ANKRD18A: variants seen among roughly 807,000 people sequenced by gnomAD.
ANKRD18A encodes the protein ankyrin repeat domain 18A.
In ANKRD18A, 72 loss-of-function variants were observed where a neutral mutation model predicts 110.6. The ratio of observed to expected loss-of-function variants is 0.65; its 90% CI spans 0.54 to 0.79. The LOEUF (loss-of-function observed/expected upper bound fraction) is 0.79, where lower values mean the gene tolerates loss of function less well. Among genes scored for constraint, ANKRD18A ranks in the 30% least tolerant of loss-of-function variants. The pLI, the probability that ANKRD18A is intolerant of heterozygous loss-of-function variation, is 0.00. For synonymous variants in ANKRD18A, 305 were observed against 410.3 expected (o/e 0.74, Z 3.10); for missense variants, 934 against 1,163.3 (o/e 0.80, Z 2.87).
At chr9:38,605,168 A>G (rs1452994574) in intron 6 of ANKRD18A, among the ~76,000 whole-genome samples, 1 of 152,216 alleles carries the variant, frequency 6.6e-6, no homozygotes, top group Non-Finnish European at 1.5e-5. Flanking sequence ...TAGTAAATAA[A>G]ATAAATAACA....
At chr9:38,576,712 ATT>A (rs1456678487) in intron 14 of ANKRD18A, among the ~76,000 whole-genome samples, 4 of 152,276 alleles carry the variant, frequency 2.6e-5, no homozygotes, top group African/African-American at 9.6e-5. Context: ...TAATATTCCC[ATT>A]TAGGGAAATT....
Position 38,588,601 on chromosome 9 carries a change from A to C in ANKRD18A, c.2067T>G (p.Thr689=). 7.1e-7 allele frequency: 1 copy of C among 1,404,330 alleles called. No homozygotes were observed. Among genetic ancestry groups the C allele is most frequent in the Non-Finnish European group, 9.3e-7 (1 of 1,073,524 alleles). The allele number at this position is 1,404,330 out of a possible 1,614,324, so 87.0% of individuals were successfully genotyped here. The change falls in exon 11 of 16, where the codon ACT becomes ACG. Residue 689 remains threonine, a synonymous_variant. Coordinates refer to ENST00000399703, the MANE Select transcript of ANKRD18A (RefSeq NM_147195.4). Reference sequence around the variant, plus strand: ...GATTTTTCTTTCTTATTTGGTCCGCAGTATAGTTCAGTAATGATATTAATT... The same window carrying C: ...GATTTTTCTTTCTTATTTGGTCCGCCGTATAGTTCAGTAATGATATTAATT... The part of the protein sequence containing the change: ...LFELISLLNY[T]ADQIRKKNRE...
chr9:38,580,560 G>A (rs1824116048), intron 12 of ANKRD18A, among the ~76,000 whole-genome samples: 1 of 151,968 alleles, frequency 6.6e-6, no homozygotes, highest in African/African-American at 2.4e-5. Flanking sequence ...ATGATTTATT[G>A]AATATTTTTA....
Position 38,591,544 on chromosome 9 carries a change from A to G in ANKRD18A, c.2004+2216T>C, listed in dbSNP as rs537745126. 5.4e-3 allele frequency among the ~76,000 whole-genome samples: 826 copies of G among 152,266 alleles called. 2 individuals are homozygous for G. Among genetic ancestry groups the G allele is most frequent in the Middle Eastern group, 0.01 (3 of 294 alleles). On this transcript the variant is annotated intron_variant, in intron 10 of 15. Transcript: ENST00000399703. ...TGCTTAGAAGCACTTAGAAGAGTAC[A>G]TGTACATAGTGAGCTACAGACAATA...
intron 15 of ANKRD18A, chr9:38,573,203 C>T: frequency 1.2e-6 from 1 of 820,896 alleles, no homozygotes; most frequent in Middle Eastern, 3.9e-4. Flanking sequence ...TAATATATTA[C>T]AAAATGTGGC....
chr9:38,580,304 G>A (rs536256455), intron 12 of ANKRD18A, among the ~76,000 whole-genome samples: 39 of 152,318 alleles, frequency 2.6e-4, no homozygotes, highest in Non-Finnish European at 5.1e-4. Context: ...GCAGGGTGAG[G>A]TCAGAGGATC....
downstream of ANKRD18A, chr9:38,571,162 G>A (rs1445891174): frequency 2.0e-6 from 3 of 1,534,574 alleles, no homozygotes; most frequent in Non-Finnish European, 2.6e-6. Flanking sequence ...GGGGACTAGT[G>A]AGCGCATGAT....
chr9:38,601,858 C>T (rs569574903), intron 7 of ANKRD18A, among the ~76,000 whole-genome samples: 1 of 151,946 alleles, frequency 6.6e-6, no homozygotes, highest in African/African-American at 2.4e-5. Flanking sequence ...TGGTCTGTGC[C>T]TATAGTCCCA....
intron 5 of ANKRD18A, among the ~76,000 whole-genome samples, chr9:38,609,612 A>G (rs1447124535): frequency 6.6e-6 from 1 of 152,032 alleles, no homozygotes; most frequent in Non-Finnish European, 1.5e-5. Context: ...AGATTGCAGG[A>G]CCAGTTACAA....
chr9:38,568,632 G>A (rs1375760929), downstream of ANKRD18A: 169 of 759,242 alleles, frequency 2.2e-4, no homozygotes, highest in Non-Finnish European at 2.6e-4. Context: ...CCCTTGCAGA[G>A]GTGGCTGGTT....
At chr9:38,608,611 A>G (rs1335226544) in intron 5 of ANKRD18A, among the ~76,000 whole-genome samples, 3 of 146,370 alleles carry the variant, frequency 2.0e-5, no homozygotes, top group East Asian at 3.9e-4. Context: ...AGCTATATAT[A>G]TTTATAATAA....
chr9:38,604,498 AC>A (rs1825267706), intron 6 of ANKRD18A, among the ~76,000 whole-genome samples: 1 of 146,476 alleles, frequency 6.8e-6, no homozygotes, highest in Non-Finnish European at 1.5e-5. Flanking sequence ...TGAAAGAGGA[AC>A]AAGTGGAATC....
At position 38,577,237 on chromosome 9, in the gene ANKRD18A, C is replaced by T. The variant is rs1387688108; in HGVS notation, c.2557G>A (p.Glu853Lys). 1 of 1,534,514 alleles carries T rather than the reference C, an allele frequency of 6.5e-7. No homozygotes were observed. Among genetic ancestry groups the T allele is most frequent in the Non-Finnish European group, 8.8e-7 (1 of 1,142,702 alleles). Reference protein sequence around the residue: ...QKQAEYEKQLEQLNKDNTASL... With the variant: ...QKQAEYEKQLKQLNKDNTASL... ...GCCGTATTATCCTTGTTTAACTGCTCTAATTGTTTTTCATATTCTGCTTGT... is the reference window on the plus strand; with the variant it reads ...GCCGTATTATCCTTGTTTAACTGCTTTAATTGTTTTTCATATTCTGCTTGT... Residue 853 changes from glutamate to lysine, a missense_variant, in exon 14 of 16, where the codon GAG becomes AAG. Glu to Lys is a moderately conservative substitution (Grantham distance 56). Around this residue, in one of 4 missense-constraint regions of ANKRD18A, gnomAD observed 223 missense variants for 226.7 expected, o/e 0.98. Coordinates refer to ENST00000399703, the MANE Select transcript of ANKRD18A (RefSeq NM_147195.4).
intron 3 of ANKRD18A, among the ~76,000 whole-genome samples, chr9:38,611,872 A>G (rs1373378218): frequency 6.6e-6 from 1 of 152,208 alleles, no homozygotes; most frequent in Non-Finnish European, 1.5e-5. Context: ...ATGGCCAACA[A>G]TCTAGAAATC....
At chr9:38,585,600 T>G (rs1824345899) in intron 12 of ANKRD18A, among the ~76,000 whole-genome samples, 1 of 152,182 alleles carries the variant, frequency 6.6e-6, no homozygotes, top group South Asian at 2.1e-4. Context: ...TGAATTTGGG[T>G]TTATCCATTA....
At chr9:38,614,866 A>T (rs1328201492) in intron 3 of ANKRD18A, among the ~76,000 whole-genome samples, 1 of 152,120 alleles carries the variant, frequency 6.6e-6, no homozygotes, top group Non-Finnish European at 1.5e-5. Context: ...GGGATGGGTA[A>T]TAAGTCAGTT....
In ANKRD18A at chr9:38,620,512, G is replaced by A; in HGVS notation, c.-227C>T. The A allele has an allele frequency of 7.1e-7, 1 of 1,407,792 alleles. No homozygotes were observed. The highest frequency in any genetic ancestry group is 1.6e-5 in the South Asian group (1 of 63,414). 87.2% of individuals were successfully genotyped at this position (1,407,792 alleles called of 1,614,324 possible). A position where few individuals can be genotyped will look rare whatever the true frequency, so the allele number is the denominator to read the frequency against. ...ACAGCCTTCAGCAGCGACACTCGCA[G>A]ACTCCGACCTCTCAGACCGAGTGAG... On this transcript the variant is annotated 5_prime_UTR_variant, in exon 1 of 16. Coordinates refer to ENST00000399703, the MANE Select transcript of ANKRD18A (RefSeq NM_147195.4).
At chr9:38,603,104 C>T (rs1346814570) in intron 7 of ANKRD18A, 55 bp downstream of exon 7, 7 of 1,529,244 alleles carry the variant, frequency 4.6e-6, no homozygotes, top group Non-Finnish European at 6.2e-6. Context: ...GCTGAAGCTT[C>T]CCTTGTCTCC....
downstream of ANKRD18A, chr9:38,571,187 T>G: frequency 6.5e-7 from 1 of 1,529,978 alleles, no homozygotes. Context: ...AGGGCTCGCC[T>G]GTGCTTCCTT....
Sources: allele counts gnomAD v4.1 joint callset (sites outside exome capture counted in the v4.1 genomes callset), GRCh38; gene constraint gnomAD v4.1.1; regional missense constraint gnomAD v4.1.1; transcripts MANE v1.5; gene names NCBI Gene and HGNC (gene_info 2026-07-23, HGNC 2026-07-21).